RIMS2: variants seen among roughly 807,000 people sequenced by gnomAD.
RIMS2 encodes the protein regulating synaptic membrane exocytosis protein 2.
RIMS2 carries 59 observed loss-of-function variants against 174.4 expected under a neutral mutation model. The observed-to-expected ratio is 0.34, with a 90% CI of 0.27 to 0.42. The LOEUF is 0.42. Ranked by LOEUF, RIMS2 falls within the 10% of genes least tolerant of loss-of-function variation. RIMS2 has a pLI of 1.00. For synonymous variants in RIMS2, 606 were observed against 572.5 expected (o/e 1.06, Z -0.84); for missense variants, 1,620 against 1,666.3 (o/e 0.97, Z 0.48).
intron 19 of RIMS2, 56 bp from the exon 23 acceptor site, chr8:104,068,456 C>T (rs138368499): frequency 1.8e-5 from 14 of 762,880 alleles, no homozygotes; most frequent in Non-Finnish European, 2.6e-5. Flanking sequence ...TCCTGTAAGT[C>T]GGACTCAGAA....
chr8:103,876,909 T>TATATATATATATACAC (rs71297243), intron 3 of RIMS2, among the ~76,000 whole-genome samples: 6 of 66,122 alleles, frequency 9.1e-5, no homozygotes, highest in Non-Finnish European at 1.8e-4. Flanking sequence ...TATATATATA[T>TATATATATATATACAC]ACACACACAC....
In RIMS2 at chr8:103,701,254, C is replaced by G. The variant is rs894363305; in HGVS notation, c.387+3958C>G. On this transcript the variant is annotated intron_variant, in intron 2 of 23. Coordinates refer to ENST00000504942, the Ensembl canonical transcript of RIMS2. ...CTGATTGTGGAATTCTTGGTTAACA[C>G]TTTTTGTATTTCAGTATTTTTAAAT... Among the ~76,000 whole-genome samples the G allele has an allele frequency of 3.3e-5, 5 of 152,094 alleles. No homozygotes were observed. The East Asian group carries it at 9.6e-4, about 29-fold the overall frequency.
intron 1 of RIMS2, among the ~76,000 whole-genome samples, chr8:103,672,736 A>G (rs1014989718): frequency 1.2e-4 from 19 of 152,074 alleles, no homozygotes; most frequent in African/African-American, 3.9e-4. Context: ...GGGTAAGGAA[A>G]AATCTCCAAA....
intron 15 of RIMS2, among the ~76,000 whole-genome samples, chr8:103,966,744 A>C (rs2091924769): frequency 6.6e-6 from 1 of 152,112 alleles, no homozygotes; most frequent in African/African-American, 2.4e-5. Context: ...TCTAATATAC[A>C]TATACATTCA....
intron 19 of RIMS2, among the ~76,000 whole-genome samples, chr8:104,171,247 G>A (rs2135437290): frequency 6.6e-6 from 1 of 152,074 alleles, no homozygotes; most frequent in Non-Finnish European, 1.5e-5. Flanking sequence ...CAAACTTTTA[G>A]ACTTCATTTC....
chr8:103,607,104 C>G (rs987893802), intron 1 of RIMS2, among the ~76,000 whole-genome samples: 10 of 151,956 alleles, frequency 6.6e-5, no homozygotes, highest in Admixed American at 6.6e-4. Flanking sequence ...TCTCGATGGT[C>G]TTTACATTTT....
At chr8:103,753,525 C>CTT (rs1419834661) in intron 2 of RIMS2, among the ~76,000 whole-genome samples, 1 of 152,064 alleles carries the variant, frequency 6.6e-6, no homozygotes, top group East Asian at 1.9e-4. Context: ...CCAGTTCCTC[C>CTT]TTATACCTCT....
intron 21 of RIMS2, among the ~76,000 whole-genome samples, 157 bp from the exon 28 acceptor site, chr8:104,249,330 T>G (rs2140242241): frequency 6.6e-6 from 1 of 152,290 alleles, no homozygotes; most frequent in Admixed American, 6.5e-5. Flanking sequence ...TTTTAATGCT[T>G]TTTAAAGGAA....
rs62527101 is a variant in RIMS2 at position 103,808,388 on chromosome 8, G to A, written c.698+41851G>A. On this transcript the variant is annotated intron_variant, in intron 3 of 23. Transcript: ENST00000504942. Reference sequence around the variant, plus strand: ...ATGCTTTGTCATAAACCTCTTATTTGCGTGTTTTTCCTTTTAAATTTTATC... The same window carrying A: ...ATGCTTTGTCATAAACCTCTTATTTACGTGTTTTTCCTTTTAAATTTTATC... Among the ~76,000 whole-genome samples, 622 of 152,004 alleles carry A rather than the reference G, an allele frequency of 4.1e-3. 14 individuals are homozygous for A. The highest frequency in any genetic ancestry group is 5.0e-3 in the Non-Finnish European group (340 of 67,968).
chr8:103,780,907 C>CCTGTTGAT (rs2098381373), intron 3 of RIMS2, among the ~76,000 whole-genome samples: 1 of 151,810 alleles, frequency 6.6e-6, no homozygotes. Context: ...TTTTAGTTTA[C>CCTGTTGAT]CTGTTGATTT....
intron 19 of RIMS2, among the ~76,000 whole-genome samples, chr8:104,226,859 C>G (rs575558513): frequency 6.6e-6 from 1 of 152,246 alleles, no homozygotes; most frequent in African/African-American, 2.4e-5. Flanking sequence ...CAAAATCTGT[C>G]TTTGAAATTT....
intron 17 of RIMS2, among the ~76,000 whole-genome samples, chr8:103,998,749 A>G (rs532142771): frequency 2.0e-5 from 3 of 151,852 alleles, no homozygotes; most frequent in Admixed American, 2.0e-4. Flanking sequence ...GTCATAGTAG[A>G]TAATCCTTAT....
intron 16 of RIMS2, among the ~76,000 whole-genome samples, chr8:103,983,687 A>G (rs936121359): frequency 1.3e-5 from 2 of 152,202 alleles, no homozygotes; most frequent in Non-Finnish European, 2.9e-5. Context: ...GGAACACTGG[A>G]TATCTATATG....
At chr8:104,154,291 C>T (rs2098708114) in intron 19 of RIMS2, among the ~76,000 whole-genome samples, 1 of 152,136 alleles carries the variant, frequency 6.6e-6, no homozygotes, top group Non-Finnish European at 1.5e-5. Flanking sequence ...TTTTCTGTTA[C>T]AGTCTAGAAT....
intron 1 of RIMS2, among the ~76,000 whole-genome samples, chr8:103,542,613 G>C (rs775530310): frequency 6.6e-6 from 1 of 152,144 alleles, no homozygotes; most frequent in Non-Finnish European, 1.5e-5. Flanking sequence ...CATAGATGCA[G>C]AAATCCTCAA....
chr8:103,949,188 A>C (rs1322976993), intron 14 of RIMS2, among the ~76,000 whole-genome samples: 2 of 151,504 alleles, frequency 1.3e-5, no homozygotes, highest in African/African-American at 4.8e-5. Context: ...GAAAGGGAGA[A>C]GAGAAGAGAA....
intron 23 of RIMS2, among the ~76,000 whole-genome samples, chr8:104,251,371 C>T (rs554265554): frequency 2.0e-5 from 3 of 152,284 alleles, no homozygotes; most frequent in South Asian, 2.1e-4. Flanking sequence ...CCCCACCACA[C>T]GTAAATTCCA....
intron 2 of RIMS2, among the ~76,000 whole-genome samples, chr8:103,736,857 A>C (rs2097691362): frequency 1.3e-5 from 2 of 152,168 alleles, no homozygotes; most frequent in South Asian, 4.1e-4. Flanking sequence ...GGTAGAACAG[A>C]ATCTTATAGA....
At chr8:103,937,403 T>G (rs2154535976) in intron 13 of RIMS2, among the ~76,000 whole-genome samples, 1 of 152,318 alleles carries the variant, frequency 6.6e-6, no homozygotes, top group East Asian at 1.9e-4. Context: ...AATAAGTAGT[T>G]AAACCATTTA....
Sources: gnomAD v4.1 joint callset for allele counts (sites outside exome capture counted in the v4.1 genomes callset) on GRCh38, gnomAD v4.1.1 for gene constraint, MANE v1.5 for transcripts, NCBI Gene and HGNC (gene_info 2026-07-23, HGNC 2026-07-21) for gene names.